The following EPHA6 variants were observed in gnomAD, a reference collection of about 807,000 sequenced individuals.
The protein encoded by EPHA6 is EPH receptor A6, also known as ephrin type-A receptor 6.
In EPHA6, 50 loss-of-function variants were observed where a neutral mutation model predicts 112.0. The observed-to-expected ratio is 0.45, with a 90% CI of 0.36 to 0.56. The LOEUF (loss-of-function observed/expected upper bound fraction) is 0.56, where lower values mean the gene tolerates loss of function less well. Ranked by LOEUF, EPHA6 falls within the 20% of genes least tolerant of loss-of-function variation. The pLI is 0.00. For synonymous variants in EPHA6, 529 were observed against 490.7 expected, an observed-to-expected ratio of 1.08 and a Z score of -1.03; for missense variants, 1,280 against 1,417.4, an observed-to-expected ratio of 0.90 and a Z score of 1.56.
chr3:96,933,071 T>A (rs935513021), intron 2 of EPHA6, among the ~76,000 whole-genome samples: 3 of 152,072 alleles, frequency 2.0e-5, no homozygotes, highest in Non-Finnish European at 4.4e-5. Flanking sequence ...TTATTTTGAC[T>A]TCAGCCCCTT....
In EPHA6 at chr3:97,509,681, A is replaced by G. The variant is rs182022045; in HGVS notation, c.2201-22677A>G. ...TATGTGTCTTGGGGTTGCTCTTCTC[A>G]AGGAGTATCTTTGTAGTATTTTTTG... On this transcript the variant is annotated intron_variant, in intron 10 of 17. Coordinates refer to ENST00000389672, the MANE Select transcript of EPHA6 (RefSeq NM_001080448.3). Among the ~76,000 whole-genome samples the G allele has an allele frequency of 2.9e-3, 443 of 152,112 alleles. 3 individuals are homozygous for G. Among genetic ancestry groups the G allele is most frequent in the Middle Eastern group, 0.01 (3 of 294 alleles).
chr3:97,327,865 A>ATATATATATGTATATGTGTG (rs1442223812), intron 5 of EPHA6, among the ~76,000 whole-genome samples: 3 of 147,288 alleles, frequency 2.0e-5, no homozygotes, highest in South Asian at 2.1e-4. Context: ...ATATGTGTGT[A>ATATATATATGTATATGTGTG]TATATATATG....
chr3:97,017,782 C>T (rs2044313679), intron 3 of EPHA6, among the ~76,000 whole-genome samples: 2 of 152,116 alleles, frequency 1.3e-5, no homozygotes, highest in South Asian at 4.1e-4. Context: ...TGGGTTAAAT[C>T]TGCTTGGTGT....
rs752205855 is a variant in EPHA6, at chr3:97,747,591, A to C, written c.3278+19A>C. The stretch of plus-strand genomic sequence containing the variant: ...GCATTGAGTAAGTGATACTAGGTTT[A>C]TTACTGTAACGAGATGTCCTGCTGG... On this transcript the variant is annotated intron_variant, in intron 17 of 17. Transcript: ENST00000389672. 6.4e-7 allele frequency: 1 copy of C among 1,574,214 alleles called. No homozygotes were observed. Among genetic ancestry groups the C allele is most frequent in the Non-Finnish European group, 8.6e-7 (1 of 1,161,374 alleles).
intron 3 of EPHA6, among the ~76,000 whole-genome samples, chr3:97,120,806 T>A (rs2048020044): frequency 1.3e-5 from 2 of 151,838 alleles, no homozygotes; most frequent in Non-Finnish European, 2.9e-5. Context: ...CCAAATAAGG[T>A]TTTTTGGCAT....
At position 97,289,417 on chromosome 3, in the gene EPHA6, T is replaced by C. The variant is rs151190077; in HGVS notation, c.1606+45130T>C. 7.4e-4 allele frequency among the ~76,000 whole-genome samples: 113 copies of C among 152,310 alleles called. 1 individual carries two copies. Among genetic ancestry groups the C allele is most frequent in the African/African-American group, 2.7e-3 (111 of 41,580 alleles). Reference sequence around the variant, plus strand: ...GTGTACAACTTTATTAGGGGTTCTGTATTCTGTTCCATTGGTCTTTGTGTC... The same window carrying C: ...GTGTACAACTTTATTAGGGGTTCTGCATTCTGTTCCATTGGTCTTTGTGTC... On this transcript the variant is annotated intron_variant, in intron 5 of 17. Transcript: ENST00000389672.
At chr3:97,528,394 G>A (rs1016237754) in intron 10 of EPHA6, among the ~76,000 whole-genome samples, 1 of 152,102 alleles carries the variant, frequency 6.6e-6, no homozygotes, top group African/African-American at 2.4e-5. Flanking sequence ...GGATGTCAAA[G>A]CTCAGCCTTT....
chr3:97,701,485 A>T (rs1282646795), intron 14 of EPHA6, among the ~76,000 whole-genome samples: 2 of 152,120 alleles, frequency 1.3e-5, no homozygotes, highest in African/African-American at 2.4e-5. Flanking sequence ...TTCAGCAAAA[A>T]ATGTATTAAG....
chr3:97,665,560 T>A lies in EPHA6; in HGVS notation c.2784+27478T>A, dbSNP rs149011732. On this transcript the variant is annotated intron_variant, in intron 14 of 17. Transcript: ENST00000389672. The stretch of plus-strand genomic sequence containing the variant: ...AAAAAAGATCCAGCCTGGTCACAAT[T>A]CTTCTTTATAGAAGGGTCATGTATC... Among the ~76,000 whole-genome samples the A allele has an allele frequency of 5.9e-5, 9 of 152,298 alleles. No individual in the cohort carries two copies. In the East Asian group the frequency reaches 1.7e-3, roughly 29 times the overall value.
intron 7 of EPHA6, among the ~76,000 whole-genome samples, chr3:97,464,185 G>A (rs1300147381): frequency 6.6e-6 from 1 of 152,058 alleles, no homozygotes. Flanking sequence ...CCAAATTCCT[G>A]CAAGAGGGAA....
intron 3 of EPHA6, among the ~76,000 whole-genome samples, chr3:97,202,613 C>T (rs544205170): frequency 3.9e-5 from 6 of 152,052 alleles, no homozygotes; most frequent in African/African-American, 1.2e-4. Flanking sequence ...GGATTACAGG[C>T]GTAAGCCACC....
chr3:96,830,569 T>C (rs1171089997), intron 1 of EPHA6, among the ~76,000 whole-genome samples: 2 of 152,108 alleles, frequency 1.3e-5, no homozygotes, highest in Non-Finnish European at 2.9e-5. Context: ...ATTTTAAGCC[T>C]GTTTGATCCA....
rs2107928735 is a variant in EPHA6, at chr3:97,754,302, G to A, written c.*5601G>A. Among the ~76,000 whole-genome samples the A allele has an allele frequency of 6.6e-6, 1 of 152,002 alleles. No individual in the cohort carries two copies. The highest frequency in any genetic ancestry group is 1.9e-4 in the East Asian group (1 of 5,146). On this transcript the variant is annotated 3_prime_UTR_variant, in exon 18 of 18. Transcript: ENST00000389672. ...GGGATTTCTCCATGTTGGTTAGGCTGGTCTCGAACTCCCGACCTCAGGTGA... is the reference window on the plus strand; with the variant it reads ...GGGATTTCTCCATGTTGGTTAGGCTAGTCTCGAACTCCCGACCTCAGGTGA...
chr3:97,491,557 T>C (rs1312239571), intron 10 of EPHA6, among the ~76,000 whole-genome samples: 1 of 151,752 alleles, frequency 6.6e-6, no homozygotes. Context: ...GTATTCAGTG[T>C]GGGTCAATTA....
chr3:97,676,004 T>C (rs927469093), intron 14 of EPHA6, among the ~76,000 whole-genome samples: 6 of 152,110 alleles, frequency 3.9e-5, no homozygotes, highest in African/African-American at 1.2e-4. Flanking sequence ...AATGGAAGAA[T>C]GCAGGGAGGA....
At chr3:97,439,331 A>G (rs1049545845) in intron 6 of EPHA6, among the ~76,000 whole-genome samples, 1 of 152,186 alleles carries the variant, frequency 6.6e-6, no homozygotes, top group Non-Finnish European at 1.5e-5. Flanking sequence ...AGTTGTGTAC[A>G]TGGAATAACT....
At chr3:97,724,333 A>G (rs2034659318) in intron 15 of EPHA6, among the ~76,000 whole-genome samples, 1 of 152,164 alleles carries the variant, frequency 6.6e-6, no homozygotes, top group Non-Finnish European at 1.5e-5. Context: ...GGAAATGAGA[A>G]AAAAAGAGTA....
At chr3:96,843,370 A>G (rs2107333685) in intron 1 of EPHA6, among the ~76,000 whole-genome samples, 1 of 152,140 alleles carries the variant, frequency 6.6e-6, no homozygotes, top group African/African-American at 2.4e-5. Context: ...TAGTTAAGGG[A>G]GTATGGAGTA....
intron 10 of EPHA6, among the ~76,000 whole-genome samples, chr3:97,489,793 A>C (rs1342339971): frequency 2.0e-5 from 3 of 151,890 alleles, no homozygotes; most frequent in African/African-American, 7.3e-5. Flanking sequence ...TCTTAAGATG[A>C]GAATCAAAGG....
Sources: gnomAD v4.1 joint callset for allele counts (sites outside exome capture counted in the v4.1 genomes callset) on GRCh38, gnomAD v4.1.1 for gene constraint, MANE v1.5 for transcripts, NCBI Gene and HGNC (gene_info 2026-07-23, HGNC 2026-07-21) for gene names.